The following BTLA variants were observed in gnomAD, a reference collection of about 807,000 sequenced individuals.
BTLA encodes the protein B and T lymphocyte associated.
A neutral mutation model predicts 25.0 loss-of-function variants in BTLA; 11 were observed. That is an observed-to-expected ratio of 0.44 (90% confidence interval 0.28 to 0.73). BTLA has a LOEUF of 0.73. Among genes scored for constraint, BTLA ranks in the 30% least tolerant of loss-of-function variants. The pLI, the probability that BTLA is intolerant of heterozygous loss-of-function variation, is 0.15. For missense variants in BTLA, 282 were observed against 332.8 expected (o/e 0.85, Z 1.19); for synonymous variants, 104 against 119.8 (o/e 0.87, Z 0.86).
rs765213409 is a variant in BTLA at position 112,479,634 on chromosome 3, T to A, written c.224A>T (p.Asn75Ile). 2.5e-6 allele frequency: 4 copies of A among 1,614,040 alleles called. No individual in the cohort carries two copies. The African/African-American group carries it at 5.3e-5, about 22-fold the overall frequency. Residue 75 changes from asparagine to isoleucine, a missense_variant, in exon 2 of 5, where the codon AAT (asparagine) becomes ATT (isoleucine). Coordinates refer to ENST00000334529, the MANE Select transcript of BTLA (RefSeq NM_181780.4). ...NRPHVTWCKL[N>I]GTTCVKLEDR... Reference sequence around the variant, plus strand: ...TTCAAGTTTTACACATGTTGTTCCATTGAGCTTGCACCAAGTCACATGAGG... The same window carrying A: ...TTCAAGTTTTACACATGTTGTTCCAATGAGCTTGCACCAAGTCACATGAGG...
chr3:112,489,996 G>A (rs1176743501), intron 1 of BTLA, among the ~76,000 whole-genome samples: 1 of 152,172 alleles, frequency 6.6e-6, no homozygotes, highest in Non-Finnish European at 1.5e-5. Flanking sequence ...TAGCAGCCAT[G>A]GAACCATACT....
intron 4 of BTLA, among the ~76,000 whole-genome samples, chr3:112,466,617 C>G (rs2082229026): frequency 1.3e-5 from 2 of 152,154 alleles, no homozygotes; most frequent in Non-Finnish European, 2.9e-5. Flanking sequence ...TGCTTTATTA[C>G]TGGTCACTTT....
At chr3:112,476,806 C>T (rs1268540246) in intron 2 of BTLA, among the ~76,000 whole-genome samples, 4 of 152,116 alleles carry the variant, frequency 2.6e-5, no homozygotes, top group African/African-American at 9.7e-5. Context: ...TTTATCACCC[C>T]AAAAGGAAGC....
chr3:112,483,125 A>C (rs1455948582), intron 1 of BTLA, among the ~76,000 whole-genome samples: 3 of 150,706 alleles, frequency 2.0e-5, no homozygotes, highest in Non-Finnish European at 4.4e-5. Flanking sequence ...AGTATCTAAC[A>C]AAGAGGGCAC....
At chr3:112,494,035 G>A (rs181774982) in intron 1 of BTLA, among the ~76,000 whole-genome samples, 10 of 152,218 alleles carry the variant, frequency 6.6e-5, no homozygotes, top group Non-Finnish European at 1.2e-4. Context: ...GCATGAGCCC[G>A]GGAGGCAGAG....
intron 4 of BTLA, among the ~76,000 whole-genome samples, chr3:112,466,723 A>G (rs1248731001): frequency 2.0e-5 from 3 of 152,246 alleles, no homozygotes; most frequent in Non-Finnish European, 4.4e-5. Context: ...AACTTCAGGC[A>G]GTTTATAACA....
intron 2 of BTLA, among the ~76,000 whole-genome samples, chr3:112,479,243 T>A (rs2082305011): frequency 1.3e-5 from 2 of 152,200 alleles, no homozygotes; most frequent in African/African-American, 4.8e-5. Context: ...TTTTACTATC[T>A]ATTTCTCTAC....
intron 1 of BTLA, among the ~76,000 whole-genome samples, chr3:112,491,056 T>G (rs1170216184): frequency 6.6e-6 from 1 of 152,200 alleles, no homozygotes; most frequent in Non-Finnish European, 1.5e-5. Context: ...ATTCTGAACT[T>G]GTTTTGTCTA....
chr3:112,486,975 A>T (rs570110333), intron 1 of BTLA, among the ~76,000 whole-genome samples: 77 of 152,350 alleles, frequency 5.1e-4, no homozygotes, highest in Non-Finnish European at 1.0e-3. Flanking sequence ...TACCACAGAG[A>T]TGAGGACACA....
intron 3 of BTLA, among the ~76,000 whole-genome samples, chr3:112,470,802 G>A (rs1189444115): frequency 6.6e-6 from 1 of 152,184 alleles, no homozygotes; most frequent in Non-Finnish European, 1.5e-5. Flanking sequence ...TGTGGGATTG[G>A]CATGATGTGG....
chr3:112,488,501 C>A (rs963907011), intron 1 of BTLA, among the ~76,000 whole-genome samples: 6 of 152,160 alleles, frequency 3.9e-5, no homozygotes, highest in Non-Finnish European at 8.8e-5. Flanking sequence ...GGATTACAGG[C>A]GTGAGCCACC....
intron 3 of BTLA, among the ~76,000 whole-genome samples, chr3:112,470,971 C>T (rs564995370): frequency 2.6e-5 from 4 of 152,260 alleles, no homozygotes; most frequent in South Asian, 2.1e-4. Flanking sequence ...GTGCTATGCT[C>T]GCCACAACTC....
intron 1 of BTLA, among the ~76,000 whole-genome samples, chr3:112,481,196 C>A (rs1288658896): frequency 2.0e-5 from 3 of 152,204 alleles, no homozygotes; most frequent in Non-Finnish European, 2.9e-5. Flanking sequence ...GCAGCTCTCC[C>A]AGGCTAATGC....
rs869038641 is a variant in BTLA at position 112,466,958 on chromosome 3, CTT to C, written c.595-577_595-576del. On this transcript the variant is annotated intron_variant, in intron 4 of 4. Transcript: ENST00000334529. ...TTATTCCTATCAAAAGAAAATTCTT[CTT>C]TTTTTTTTTTTTTTTTGAGACGGAG... is the stretch of plus-strand genomic sequence containing the variant. Among the ~76,000 whole-genome samples the C allele has an allele frequency of 5.9e-3, 239 of 40,848 alleles. 1 individual carries two copies. The highest frequency in any genetic ancestry group is 8.7e-3 in the African/African-American group (221 of 25,340). The allele number at this position is 40,848 out of a possible 152,430, so 26.8% of individuals were successfully genotyped here.
intron 1 of BTLA, among the ~76,000 whole-genome samples, chr3:112,493,685 A>G (rs2082392798): frequency 6.6e-6 from 1 of 152,202 alleles, no homozygotes; most frequent in Non-Finnish European, 1.5e-5. Context: ...TATTTTTAGT[A>G]CAGACAGGGT....
intron 1 of BTLA, among the ~76,000 whole-genome samples, chr3:112,485,198 C>T (rs578155148): frequency 6.6e-6 from 1 of 151,646 alleles, no homozygotes; most frequent in South Asian, 2.1e-4. Flanking sequence ...GCACCCACAA[C>T]CACGCCCGGC....
At chr3:112,474,822 G>C (rs150342467) in intron 2 of BTLA, among the ~76,000 whole-genome samples, 2 of 152,136 alleles carry the variant, frequency 1.3e-5, no homozygotes, top group Admixed American at 6.5e-5. Flanking sequence ...TGTGGTTATG[G>C]CAAGTAAGGC....
chr3:112,473,799 A>G (rs1171688395), intron 2 of BTLA, among the ~76,000 whole-genome samples: 4 of 151,598 alleles, frequency 2.6e-5, no homozygotes, highest in Admixed American at 2.6e-4. Context: ...TATTTTTAGT[A>G]GAGATAGGGT....
chr3:112,473,209 C>T (rs2082272162), intron 2 of BTLA, among the ~76,000 whole-genome samples: 1 of 151,646 alleles, frequency 6.6e-6, no homozygotes, highest in East Asian at 1.9e-4. Flanking sequence ...TCTCACGTGT[C>T]CAAAACCAGA....
Sources: allele counts gnomAD v4.1 joint callset (sites outside exome capture counted in the v4.1 genomes callset), GRCh38; gene constraint gnomAD v4.1.1; transcripts MANE v1.5; gene names NCBI Gene and HGNC (gene_info 2026-07-23, HGNC 2026-07-21).